The following GNB1 variants were observed in gnomAD, a reference collection of about 807,000 sequenced individuals.
GNB1 encodes guanine nucleotide-binding protein G(I)/G(S)/G(T) subunit beta-1.
In GNB1, 2 loss-of-function variants were observed where a neutral mutation model predicts 42.9. That is an observed-to-expected ratio of 0.05 (90% CI 0.02 to 0.15). The LOEUF is 0.15. Ranked by LOEUF, GNB1 falls within the 10% of genes least tolerant of loss-of-function variation. The probability of loss-of-function intolerance (pLI) is 1.00; values close to 1 mark genes in which losing one functional copy is unlikely to be tolerated. For synonymous variants in GNB1, 183 were observed against 174.7 expected, an observed-to-expected ratio of 1.05 and a Z score of -0.38; for missense variants, 193 against 462.2, an observed-to-expected ratio of 0.42 and a Z score of 5.34.
chr1:1,874,821 C>G (rs1192632770), intron 1 of GNB1, among the ~76,000 whole-genome samples: 1 of 151,838 alleles, frequency 6.6e-6, no homozygotes, highest in African/African-American at 2.4e-5. Flanking sequence ...AAAGTGCCTC[C>G]TGAGCTTCGT....
intron 1 of GNB1, among the ~76,000 whole-genome samples, chr1:1,884,303 G>C (rs1396220790): frequency 6.6e-6 from 1 of 152,072 alleles, no homozygotes; most frequent in Non-Finnish European, 1.5e-5. Flanking sequence ...GTTTCTCCAT[G>C]TTGGCCAGGC....
rs114450528 is a variant in GNB1, at chr1:1,823,374, C to G, written c.57+2023G>C. The stretch of plus-strand genomic sequence containing the variant: ...GTTAGATTATTATTAAATAACAACA[C>G]TTTGCTTTTCTTTTTTACTTGCCAA... On this transcript the variant is annotated intron_variant, in intron 3 of 11. Transcript: ENST00000378609. Among the ~76,000 whole-genome samples, 1,276 of 151,742 alleles carry G rather than the reference C, an allele frequency of 8.4e-3. 22 individuals are homozygous for G. The highest frequency in any genetic ancestry group is 0.03 in the African/African-American group (1,224 of 41,376).
rs545928568 is a variant in GNB1 at position 1,790,833 on chromosome 1, G to A, written c.498-237C>T. 3.9e-5 allele frequency among the ~76,000 whole-genome samples: 6 copies of A among 152,284 alleles called. No individual in the cohort carries two copies. The South Asian group carries it at 6.2e-4, about 16-fold the overall frequency. ...CACAGGGCCTGGGCTTCAGAATGAC[G>A]GGATCGCTACCTCAACTCAAATGCC... On this transcript the variant is annotated intron_variant, in intron 8 of 11. Coordinates refer to ENST00000378609, the MANE Select transcript of GNB1 (RefSeq NM_002074.5). This position sits in a 1 kb window ranked among gnomAD's most constrained non-coding sequence, Gnocchi z 5.4.
intron 7 of GNB1, among the ~76,000 whole-genome samples, chr1:1,799,624 C>T (rs1243771300): frequency 6.6e-6 from 1 of 152,190 alleles, no homozygotes; most frequent in East Asian, 1.9e-4. Context: ...ACAGAAACAA[C>T]TATAAGCACT....
intron 1 of GNB1, among the ~76,000 whole-genome samples, chr1:1,873,482 A>T (rs1649361692): frequency 6.6e-6 from 1 of 152,212 alleles, no homozygotes; most frequent in African/African-American, 2.4e-5. Flanking sequence ...GTGAACAGAG[A>T]TGAGCCCTGC....
Position 1,815,874 on chromosome 1 carries a change from A to T in GNB1, c.97-12T>A. 6 of 1,482,216 alleles carry T rather than the reference A, an allele frequency of 4.0e-6. No homozygotes were observed. Among genetic ancestry groups the T allele is most frequent in the Non-Finnish European group, 5.7e-6 (6 of 1,059,746 alleles). The allele number at this position is 1,482,216 out of a possible 1,614,324, so 91.8% of individuals were successfully genotyped here. A position where few individuals can be genotyped will look rare whatever the true frequency, so the allele number is the denominator to read the frequency against. On this transcript the variant is annotated splice_polypyrimidine_tract_variant and intron_variant, in intron 4 of 11. Coordinates refer to ENST00000378609, the MANE Select transcript of GNB1 (RefSeq NM_002074.5). ...ATGTTGTTTGTGATCTTGAAAATAA[A>T]AACATTTCTGTAAATCAACATCTGT...
At chr1:1,837,673 C>T (rs1490959962) in intron 2 of GNB1, among the ~76,000 whole-genome samples, 2 of 152,040 alleles carry the variant, frequency 1.3e-5, no homozygotes, top group Non-Finnish European at 2.9e-5. Context: ...GATTCCCCTG[C>T]CTCAACCTCC....
At chr1:1,814,636 TA>T (rs1252724674) in intron 5 of GNB1, among the ~76,000 whole-genome samples, 2 of 150,952 alleles carry the variant, frequency 1.3e-5, no homozygotes, top group East Asian at 3.9e-4. Flanking sequence ...CCTGTCTCTG[TA>T]AAAAACCAAA....
At chr1:1,839,784 G>T (rs748349340) in intron 1 of GNB1, 1 of 152,076 alleles carries the variant, frequency 6.6e-6, no homozygotes, top group Non-Finnish European at 1.5e-5. Context: ...AATCCGGGAG[G>T]TGGAGGTTGC....
chr1:1,830,061 A>G (rs1647054840), intron 2 of GNB1, among the ~76,000 whole-genome samples: 1 of 151,574 alleles, frequency 6.6e-6, no homozygotes, highest in African/African-American at 2.4e-5. Context: ...TTCTACACAC[A>G]CCAGATGTTA....
intron 1 of GNB1, among the ~76,000 whole-genome samples, chr1:1,851,530 G>C (rs1301846259): frequency 6.6e-6 from 1 of 151,862 alleles, no homozygotes; most frequent in African/African-American, 2.4e-5. Flanking sequence ...CTCCAGCCTG[G>C]GCGACACAGC....
At chr1:1,874,411 C>A (rs1649417777) in intron 1 of GNB1, among the ~76,000 whole-genome samples, 1 of 151,546 alleles carries the variant, frequency 6.6e-6, no homozygotes, top group Non-Finnish European at 1.5e-5. Flanking sequence ...GAGTTGGAGA[C>A]CAGCCTGGGC....
chr1:1,822,628 T>C (rs1409396893), intron 3 of GNB1, among the ~76,000 whole-genome samples: 3 of 152,262 alleles, frequency 2.0e-5, no homozygotes, highest in Admixed American at 2.0e-4. Context: ...TTTTACATTT[T>C]TTATGTGGCA....
intron 1 of GNB1, among the ~76,000 whole-genome samples, chr1:1,849,721 T>C (rs762128486): frequency 1.3e-5 from 2 of 152,130 alleles, no homozygotes; most frequent in Non-Finnish European, 2.9e-5. Context: ...ACTTTTTTTC[T>C]GGCTACATTC....
At chr1:1,825,224 C>A in intron 3 of GNB1, 173 bp downstream of exon 3, 2 of 590,588 alleles carry the variant, frequency 3.4e-6, no homozygotes, top group Non-Finnish European at 3.0e-6. Context: ...ATCCCAAAAA[C>A]AATGTACTAG....
intron 7 of GNB1, among the ~76,000 whole-genome samples, chr1:1,796,910 CAG>C (rs1646554300): frequency 6.6e-6 from 1 of 152,078 alleles, no homozygotes; most frequent in South Asian, 2.1e-4. Flanking sequence ...AGAGGCACGG[CAG>C]AGAGTGGAAG....
intron 8 of GNB1, among the ~76,000 whole-genome samples, chr1:1,792,786 C>A (rs1028008237): frequency 1.3e-5 from 2 of 151,844 alleles, no homozygotes; most frequent in Non-Finnish European, 2.9e-5. Context: ...TATAATGAGG[C>A]TAGGCACGGA....
At chr1:1,882,837 T>C (rs1207622375) in intron 1 of GNB1, among the ~76,000 whole-genome samples, 3 of 151,326 alleles carry the variant, frequency 2.0e-5, no homozygotes, top group Non-Finnish European at 4.4e-5. Context: ...AGGAGAATTG[T>C]TTGAACCCAG....
intron 7 of GNB1, among the ~76,000 whole-genome samples, chr1:1,803,606 A>G (rs1034082728): frequency 3.9e-5 from 6 of 152,218 alleles, no homozygotes; most frequent in Non-Finnish European, 8.8e-5. Flanking sequence ...TCTTACTGGT[A>G]AAGGCATATC....
Sources: gnomAD v4.1 joint callset for allele counts (sites outside exome capture counted in the v4.1 genomes callset) on GRCh38, gnomAD v4.1.1 for gene constraint, Gnocchi (gnomAD v3.1) non-coding constraint, MANE v1.5 for transcripts, NCBI Gene and HGNC (gene_info 2026-07-23, HGNC 2026-07-21) for gene names.